Variants in TEC observed in about 807,000 individuals in gnomAD.
TEC encodes the protein tyrosine-protein kinase Tec.
A neutral mutation model predicts 93.0 loss-of-function variants in TEC; 72 were observed. The observed-to-expected ratio is 0.77, with a 90% CI of 0.64 to 0.94. TEC has a LOEUF of 0.94. Ranked by LOEUF, TEC falls within the 40% of genes least tolerant of loss-of-function variation. The pLI is 0.00. For missense variants in TEC, 630 were observed against 757.9 expected (o/e 0.83, Z 1.98); for synonymous variants, 249 against 247.7 (o/e 1.01, Z -0.05).
chr4:48,179,661 T>C (rs2109562407), intron 2 of TEC, among the ~76,000 whole-genome samples: 1 of 151,912 alleles, frequency 6.6e-6, no homozygotes, highest in Non-Finnish European at 1.5e-5. Flanking sequence ...AGTGCTGGGA[T>C]TACAGGCGTG....
intron 3 of TEC, among the ~76,000 whole-genome samples, chr4:48,172,396 A>C (rs1721149636): frequency 6.6e-6 from 1 of 152,116 alleles, no homozygotes; most frequent in Non-Finnish European, 1.5e-5. Flanking sequence ...CATATTCAAT[A>C]GAGAATTCCT....
chr4:48,135,842 A>G lies in TEC; in HGVS notation c.*1574T>C, dbSNP rs1159110403. The G allele has an allele frequency of 1.3e-5, 2 of 152,238 alleles. No homozygotes were observed. Among genetic ancestry groups the G allele is most frequent in the Non-Finnish European group, 2.9e-5 (2 of 68,090 alleles). The allele number at this position is 152,238 out of a possible 1,614,324, so 9.4% of individuals were successfully genotyped here. A position where few individuals can be genotyped will look rare whatever the true frequency, so the allele number is the denominator to read the frequency against. On this transcript the variant is annotated 3_prime_UTR_variant, in exon 18 of 18. Coordinates refer to ENST00000381501, the MANE Select transcript of TEC (RefSeq NM_003215.3). ...TATGAGGGGCACAGGAAAAGAATAA[A>G]CACAGCCTTCAGTGGATGGACTGCC...
chr4:48,266,484 T>A (rs1724641068), intron 1 of TEC, among the ~76,000 whole-genome samples: 1 of 152,186 alleles, frequency 6.6e-6, no homozygotes, highest in African/African-American at 2.4e-5. Flanking sequence ...CCAAGAGCTG[T>A]GGGTTTAATC....
rs538123590 is a variant in TEC, at chr4:48,186,352, C to G, written c.139-10166G>C. Among the ~76,000 whole-genome samples the G allele has an allele frequency of 1.5e-3, 224 of 151,648 alleles. 2 individuals carry two copies. In the Middle Eastern group the frequency reaches 0.048, roughly 32 times the overall value. On this transcript the variant is annotated intron_variant, in intron 2 of 17. Transcript: ENST00000381501. The stretch of plus-strand genomic sequence containing the variant: ...GATGTGAGGAGCCCCTCTGACCAGC[C>G]GCCCAGTCTGGGAAGTGAGGAGCGC...
intron 8 of TEC, among the ~76,000 whole-genome samples, chr4:48,157,156 A>G (rs1038633449): frequency 6.6e-6 from 1 of 152,242 alleles, no homozygotes; most frequent in African/African-American, 2.4e-5. Context: ...CATGGCAAGA[A>G]TGAATTTTAC....
At chr4:48,145,701 T>C in intron 12 of TEC, 122 bp from the exon 13 acceptor site, 1 of 1,098,942 alleles carries the variant, frequency 9.1e-7, no homozygotes, top group Non-Finnish European at 1.3e-6. Flanking sequence ...ACTGTAATAA[T>C]TCCTGGTAAA....
At chr4:48,220,300 T>C (rs1047327238) in intron 2 of TEC, among the ~76,000 whole-genome samples, 27 of 151,872 alleles carry the variant, frequency 1.8e-4, no homozygotes, top group African/African-American at 6.0e-4. Flanking sequence ...AAGAGTTTGA[T>C]ATGGTTTGGA....
At chr4:48,187,514 T>C (rs1460722603) in intron 2 of TEC, among the ~76,000 whole-genome samples, 1 of 152,100 alleles carries the variant, frequency 6.6e-6, no homozygotes, top group Non-Finnish European at 1.5e-5. Context: ...ATCGTGTTGA[T>C]GTAGGCAATT....
At chr4:48,183,849 C>A (rs908528593) in intron 2 of TEC, among the ~76,000 whole-genome samples, 2 of 152,086 alleles carry the variant, frequency 1.3e-5, no homozygotes, top group Non-Finnish European at 2.9e-5. Flanking sequence ...ACTCACTCCC[C>A]AAATAGTAGC....
intron 17 of TEC, 45 bp from the exon 18 acceptor site, chr4:48,137,544 T>C (rs752341171): frequency 7.8e-6 from 12 of 1,545,776 alleles, no homozygotes; most frequent in Non-Finnish European, 1.1e-5. Flanking sequence ...CAGAATCCAT[T>C]CCACAAAACC....
intron 2 of TEC, among the ~76,000 whole-genome samples, chr4:48,202,747 A>T (rs1722573992): frequency 6.6e-6 from 1 of 152,190 alleles, no homozygotes; most frequent in Non-Finnish European, 1.5e-5. Context: ...ACAGATGAGG[A>T]AACTGAGGAA....
chr4:48,186,839 C>T (rs1721889602), intron 2 of TEC, among the ~76,000 whole-genome samples: 1 of 151,160 alleles, frequency 6.6e-6, no homozygotes, highest in Admixed American at 6.6e-5. Flanking sequence ...CCACCCACTG[C>T]CCCGTCTGGG....
chr4:48,259,340 C>T (rs1724431380), intron 1 of TEC, among the ~76,000 whole-genome samples: 1 of 152,054 alleles, frequency 6.6e-6, no homozygotes, highest in African/African-American at 2.4e-5. Flanking sequence ...CGTAACAAAC[C>T]TTCACATGTA....
intron 1 of TEC, among the ~76,000 whole-genome samples, chr4:48,249,036 GAAT>G (rs1360095430): frequency 1.3e-5 from 2 of 152,026 alleles, no homozygotes; most frequent in East Asian, 3.9e-4. Context: ...ATGCTTCATA[GAAT>G]AATAATGTTT....
At chr4:48,267,110 T>C (rs1553897047) in intron 1 of TEC, among the ~76,000 whole-genome samples, 1 of 152,192 alleles carries the variant, frequency 6.6e-6, no homozygotes, top group Non-Finnish European at 1.5e-5. Flanking sequence ...AAGGGAGAAA[T>C]GTAACTTGGA....
At chr4:48,222,266 G>A (rs181039804) in intron 2 of TEC, among the ~76,000 whole-genome samples, 134 of 152,298 alleles carry the variant, frequency 8.8e-4, no homozygotes, top group African/African-American at 3.2e-3. Flanking sequence ...ACAGCCAGAA[G>A]AGGAGGAAGA....
At chr4:48,208,924 T>C (rs1390256373) in intron 2 of TEC, among the ~76,000 whole-genome samples, 1 of 152,232 alleles carries the variant, frequency 6.6e-6, no homozygotes, top group African/African-American at 2.4e-5. Flanking sequence ...TAGAGATGTC[T>C]GTGGGTGCCT....
intron 2 of TEC, among the ~76,000 whole-genome samples, chr4:48,188,391 G>A (rs1407833484): frequency 2.0e-5 from 3 of 152,138 alleles, no homozygotes; most frequent in Non-Finnish European, 4.4e-5. Context: ...TTGATAAAGA[G>A]ACATGCTGAA....
At chr4:48,237,635 T>C (rs1453826202) in intron 1 of TEC, among the ~76,000 whole-genome samples, 5 of 152,176 alleles carry the variant, frequency 3.3e-5, no homozygotes, top group Admixed American at 3.3e-4. Context: ...GGTTAAGTCA[T>C]TTACTATGTG....
Sources: allele counts gnomAD v4.1 joint callset (sites outside exome capture counted in the v4.1 genomes callset), GRCh38; gene constraint gnomAD v4.1.1; transcripts MANE v1.5; gene names NCBI Gene and HGNC (gene_info 2026-07-23, HGNC 2026-07-21).